ZNF804B: variants seen among roughly 807,000 people sequenced by gnomAD.
ZNF804B encodes the protein zinc finger protein 804B.
ZNF804B carries 80 observed loss-of-function variants against 101.4 expected under a neutral mutation model. That is an observed-to-expected ratio of 0.79 (90% confidence interval 0.66 to 0.95). ZNF804B has a LOEUF of 0.95. ZNF804B is among the 40% of genes least tolerant of loss of function. ZNF804B has a pLI of 0.00. For missense variants in ZNF804B, 1,673 were observed against 1,561.9 expected (o/e 1.07, Z -1.20); for synonymous variants, 622 against 558.8 (o/e 1.11, Z -1.59).
intron 1 of ZNF804B, among the ~76,000 whole-genome samples, chr7:88,915,863 A>C (rs112425650): frequency 7.0e-6 from 1 of 142,386 alleles, no homozygotes; most frequent in Non-Finnish European, 1.5e-5. Context: ...TCTATGATAT[A>C]ATATATTTAA....
rs540004551 is a variant in ZNF804B at position 89,333,618 on chromosome 7, T to G, written c.636T>G (p.Asn212Lys). The G allele has an allele frequency of 4.5e-5, 72 of 1,613,622 alleles. No homozygotes were observed. In the African/African-American group the frequency reaches 8.4e-4, roughly 19 times the overall value. Residue 212 changes from asparagine to lysine, a missense_variant, in exon 4 of 4, where the codon AAT (asparagine) becomes AAG (lysine). Asn to Lys is a moderately conservative substitution (Grantham distance 94). Coordinates refer to ENST00000333190, the MANE Select transcript of ZNF804B (RefSeq NM_181646.5). ...TGCAAACATCTTCAGATCTCAGCAA[T>G]GCAAATCACAGAACAGGAGTATCAT... is the stretch of plus-strand genomic sequence containing the variant. ...QVLQTSSDLS[N>K]ANHRTGVSFT...
intron 1 of ZNF804B, among the ~76,000 whole-genome samples, chr7:89,103,713 C>T (rs1288748571): frequency 6.6e-6 from 1 of 151,770 alleles, no homozygotes; most frequent in Admixed American, 6.6e-5. Flanking sequence ...AATTTGGATT[C>T]CTTTTATTTC....
At chr7:89,009,864 A>G (rs1788428295) in intron 1 of ZNF804B, among the ~76,000 whole-genome samples, 1 of 152,190 alleles carries the variant, frequency 6.6e-6, no homozygotes, top group Admixed American at 6.5e-5. Flanking sequence ...GTTTTGTTAT[A>G]GAAGCTGAAA....
At chr7:89,298,285 A>G (rs1790421383) in intron 2 of ZNF804B, among the ~76,000 whole-genome samples, 1 of 129,638 alleles carries the variant, frequency 7.7e-6, no homozygotes, top group Non-Finnish European at 1.6e-5. Flanking sequence ...ACATGTGCAG[A>G]ACGTGCAGGT....
At chr7:89,077,549 A>G (rs1481993596) in intron 1 of ZNF804B, among the ~76,000 whole-genome samples, 1 of 152,164 alleles carries the variant, frequency 6.6e-6, no homozygotes, top group Non-Finnish European at 1.5e-5. Context: ...AAGGAAGAGG[A>G]AGATAAAACC....
At chr7:88,783,149 A>G (rs546201616) in intron 1 of ZNF804B, among the ~76,000 whole-genome samples, 4 of 152,290 alleles carry the variant, frequency 2.6e-5, no homozygotes, top group Admixed American at 2.6e-4. Flanking sequence ...ACAGTTTATT[A>G]TTCAGCTCCC....
intron 1 of ZNF804B, among the ~76,000 whole-genome samples, chr7:89,130,873 A>G (rs1175027405): frequency 1.3e-5 from 2 of 152,046 alleles, no homozygotes; most frequent in Non-Finnish European, 2.9e-5. Context: ...TACTAAAGAA[A>G]CAATCATCTA....
At chr7:89,075,235 G>A (rs749905062) in intron 1 of ZNF804B, among the ~76,000 whole-genome samples, 2 of 152,188 alleles carry the variant, frequency 1.3e-5, no homozygotes, top group Non-Finnish European at 2.9e-5. Context: ...TGAAGAAAAT[G>A]TCTCTAGGGC....
At chr7:89,112,105 C>CAAAA (rs3060290) in intron 1 of ZNF804B, among the ~76,000 whole-genome samples, 1,664 of 118,636 alleles carry the variant, frequency 0.014, 15 homozygotes, top group Middle Eastern at 0.024. Flanking sequence ...GACTCTATCT[C>CAAAA]AAAAAAAAAA....
At chr7:89,150,478 T>C (rs1184866416) in intron 1 of ZNF804B, among the ~76,000 whole-genome samples, 2 of 152,076 alleles carry the variant, frequency 1.3e-5, no homozygotes. Context: ...GAATTTGTCA[T>C]CCTGGCCTCC....
chr7:89,274,847 C>T (rs1445479019), intron 2 of ZNF804B, among the ~76,000 whole-genome samples: 1 of 151,846 alleles, frequency 6.6e-6, no homozygotes, highest in East Asian at 1.9e-4. Flanking sequence ...CTTTTTCAGT[C>T]TCACTGTGGA....
At chr7:89,194,531 G>A (rs928804478) in intron 1 of ZNF804B, among the ~76,000 whole-genome samples, 1 of 149,476 alleles carries the variant, frequency 6.7e-6, no homozygotes, top group African/African-American at 2.5e-5. Context: ...TTCTATATAT[G>A]GCTAGCCAGT....
intron 1 of ZNF804B, among the ~76,000 whole-genome samples, chr7:88,932,331 C>T (rs1283697140): frequency 6.6e-6 from 1 of 151,616 alleles, no homozygotes; most frequent in Non-Finnish European, 1.5e-5. Flanking sequence ...TAATGTCACA[C>T]CTTAAGGAAC....
At chr7:89,148,490 AT>A (rs34357073) in intron 1 of ZNF804B, among the ~76,000 whole-genome samples, 1 of 152,122 alleles carries the variant, frequency 6.6e-6, no homozygotes, top group African/African-American at 2.4e-5. Flanking sequence ...TGCATTTTAC[AT>A]TTAACTATCT....
At chr7:89,175,596 T>C (rs1371408782) in intron 1 of ZNF804B, among the ~76,000 whole-genome samples, 1 of 152,106 alleles carries the variant, frequency 6.6e-6, no homozygotes, top group African/African-American at 2.4e-5. Flanking sequence ...ACTGTTGCTA[T>C]TTCTGTGAAG....
intron 1 of ZNF804B, among the ~76,000 whole-genome samples, chr7:89,149,401 A>G (rs1790837102): frequency 6.6e-6 from 1 of 152,094 alleles, no homozygotes; most frequent in African/African-American, 2.4e-5. Flanking sequence ...CATTCCCTTA[A>G]GTTAATTATA....
rs1791080652 is a variant in ZNF804B at position 89,336,065 on chromosome 7, A to C, written c.3083A>C (p.Lys1028Thr). The C allele has an allele frequency of 1.2e-6, 2 of 1,614,006 alleles. No individual in the cohort carries two copies. The highest frequency in any genetic ancestry group is 4.5e-5 in the East Asian group (2 of 44,862). Residue 1028 changes from lysine (K) to threonine (T), a missense_variant, in exon 4 of 4, where the codon AAA becomes ACA. Coordinates refer to ENST00000333190, the MANE Select transcript of ZNF804B (RefSeq NM_181646.5). ...ADTDCDNHLS[K>T]GIIHLVTESQ... ...ACTGATTGTGATAACCATCTTTCTA[A>C]AGGTATAATTCACCTAGTAACAGAG...
intron 1 of ZNF804B, among the ~76,000 whole-genome samples, chr7:88,901,636 A>G (rs1005534398): frequency 7.3e-5 from 11 of 150,932 alleles, no homozygotes; most frequent in Non-Finnish European, 4.5e-5. Context: ...TAGAGAGAGA[A>G]AGAGAGAGAG....
chr7:89,139,331 G>A (rs58776782), intron 1 of ZNF804B, among the ~76,000 whole-genome samples: 12,570 of 152,092 alleles, frequency 0.083, 551 homozygotes, highest in South Asian at 0.093. Flanking sequence ...ATTCATCAGG[G>A]TGGTGGGTGT....
Sources: allele counts gnomAD v4.1 joint callset (sites outside exome capture counted in the v4.1 genomes callset), GRCh38; gene constraint gnomAD v4.1.1; transcripts MANE v1.5; gene names NCBI Gene and HGNC (gene_info 2026-07-23, HGNC 2026-07-21).